RIMS4: variants seen among roughly 807,000 people sequenced by gnomAD.
RIMS4 encodes regulating synaptic membrane exocytosis protein 4.
RIMS4 carries 9 observed loss-of-function variants against 29.0 expected under a neutral mutation model. The ratio of observed to expected loss-of-function variants is 0.31; its 90% CI spans 0.19 to 0.54. The LOEUF (loss-of-function observed/expected upper bound fraction) is 0.54, where lower values mean the gene tolerates loss of function less well. Ranked by LOEUF, RIMS4 falls within the 20% of genes least tolerant of loss-of-function variation. RIMS4 has a pLI of 0.94. For missense variants in RIMS4, 193 were observed against 365.7 expected (o/e 0.53, Z 3.85); for synonymous variants, 130 against 152.9 (o/e 0.85, Z 1.10).
intron 1 of RIMS4, among the ~76,000 whole-genome samples, chr20:44,802,937 G>A (rs1254880512): frequency 6.6e-6 from 1 of 152,098 alleles, no homozygotes; most frequent in Non-Finnish European, 1.5e-5. Flanking sequence ...CCTCTGCCTG[G>A]AACACTCTTC....
Position 44,800,109 on chromosome 20 carries a change from G to A in RIMS4, c.97+10066C>T, listed in dbSNP as rs375214809. Reference sequence around the variant, plus strand: ...TCCAGGTTATCTGGCTGTGGAGCTCGTTACTTTCACCATGCTATACTGCCT... The same window carrying A: ...TCCAGGTTATCTGGCTGTGGAGCTCATTACTTTCACCATGCTATACTGCCT... On this transcript the variant is annotated intron_variant, in intron 1 of 5. Coordinates refer to ENST00000372851, the MANE Select transcript of RIMS4 (RefSeq NM_182970.4). 7.2e-5 allele frequency among the ~76,000 whole-genome samples: 11 copies of A among 152,286 alleles called. No individual in the cohort carries two copies. In the East Asian group the frequency reaches 1.5e-3, roughly 21 times the overall value.
chr20:44,782,811 T>C (rs1414924335), intron 1 of RIMS4, among the ~76,000 whole-genome samples: 2 of 152,170 alleles, frequency 1.3e-5, no homozygotes, highest in African/African-American at 4.8e-5. Context: ...GCCAAACATG[T>C]AGGGGAGGCA....
intron 1 of RIMS4, among the ~76,000 whole-genome samples, chr20:44,779,696 C>G (rs1370258001): frequency 1.3e-5 from 2 of 152,156 alleles, no homozygotes; most frequent in East Asian, 3.8e-4. Context: ...TTACAAATAG[C>G]TCTGCCAAAA....
Position 44,756,818 on chromosome 20 carries a change from G to T in RIMS4, c.591+80C>A. The T allele has an allele frequency of 7.0e-7, 1 of 1,434,110 alleles. No individual in the cohort carries two copies. The highest frequency in any genetic ancestry group is 2.1e-5 in the Admixed American group (1 of 46,900). The allele number at this position is 1,434,110 out of a possible 1,614,324, so 88.8% of individuals were successfully genotyped here. A position where few individuals can be genotyped will look rare whatever the true frequency, so the allele number is the denominator to read the frequency against. ...GGCCCTCCAGAGACACCCCCCGCCA[G>T]GGGTGCCCTCCTCTCATTCTGGTAC... is the stretch of plus-strand genomic sequence containing the variant. On this transcript the variant is annotated intron_variant, in intron 5 of 5. Transcript: ENST00000372851. This position sits in a 1 kb window ranked among gnomAD's most constrained non-coding sequence, Gnocchi z 5.9.
chr20:44,792,625 T>G lies in RIMS4; in HGVS notation c.97+17550A>C, dbSNP rs186817776. On this transcript the variant is annotated intron_variant, in intron 1 of 5. Transcript: ENST00000372851. ...CTATTGAATGGCCCTGGGCCAAAGA[T>G]GGGCCTGTCCTTTCTGAGCTTTAGT... Among the ~76,000 whole-genome samples, 45 of 152,282 alleles carry G rather than the reference T, an allele frequency of 3.0e-4. 1 individual carries two copies. The highest frequency in any genetic ancestry group is 2.5e-3 in the Admixed American group (38 of 15,294).
intron 2 of RIMS4, among the ~76,000 whole-genome samples, chr20:44,765,946 C>T (rs2066111652): frequency 6.6e-6 from 1 of 152,198 alleles, no homozygotes; most frequent in African/African-American, 2.4e-5. Context: ...TGCTTCTGCT[C>T]ACACACACCC....
intron 1 of RIMS4, among the ~76,000 whole-genome samples, chr20:44,788,108 T>C (rs1182850740): frequency 6.6e-6 from 1 of 152,232 alleles, no homozygotes; most frequent in Non-Finnish European, 1.5e-5. Flanking sequence ...TCAGTCTCTA[T>C]TCCAGACATT....
In RIMS4 at chr20:44,810,509, G is replaced by T. The variant is rs935164283; in HGVS notation, c.-238C>A. Among the ~76,000 whole-genome samples the T allele has an allele frequency of 1.6e-4, 22 of 141,560 alleles. No homozygotes were observed. The highest frequency in any genetic ancestry group is 2.8e-4 in the Non-Finnish European group (18 of 64,074). 92.9% of individuals were successfully genotyped at this position (141,560 alleles called of 152,430 possible). On this transcript the variant is annotated 5_prime_UTR_variant, in exon 1 of 6. Transcript: ENST00000372851. ...TGTGCTGCTGGCGGCGGCGGCGGCG[G>T]CGGCGGTGGCGGCGGCGGTGGCGGC...
Position 44,806,726 on chromosome 20 carries a change from A to G in RIMS4, c.97+3449T>C, listed in dbSNP as rs533058787. Among the ~76,000 whole-genome samples the G allele has an allele frequency of 2.0e-5, 3 of 152,334 alleles. No individual in the cohort carries two copies. The South Asian group carries it at 6.2e-4, about 32-fold the overall frequency. Reference sequence around the variant, plus strand: ...AAGACTTCTGCACAGCACAAACAGCATAATGGTTGATTAAAAGCATAGATG... The same window carrying G: ...AAGACTTCTGCACAGCACAAACAGCGTAATGGTTGATTAAAAGCATAGATG... On this transcript the variant is annotated intron_variant, in intron 1 of 5. Coordinates refer to ENST00000372851, the MANE Select transcript of RIMS4 (RefSeq NM_182970.4).
chr20:44,798,929 G>C (rs1461772223), intron 1 of RIMS4, among the ~76,000 whole-genome samples: 1 of 152,242 alleles, frequency 6.6e-6, no homozygotes, highest in African/African-American at 2.4e-5. Flanking sequence ...AAACAGGAGT[G>C]AAGAGTTCTC....
chr20:44,766,869 C>G lies in RIMS4; in HGVS notation c.236+4406G>C, dbSNP rs58743363. Among the ~76,000 whole-genome samples, 1,348 of 152,308 alleles carry G rather than the reference C, an allele frequency of 8.9e-3. 14 individuals carry two copies. The highest frequency in any genetic ancestry group is 0.03 in the African/African-American group (1,262 of 41,562). On this transcript the variant is annotated intron_variant, in intron 2 of 5. Coordinates refer to ENST00000372851, the MANE Select transcript of RIMS4 (RefSeq NM_182970.4). ...CTTCTCTGGCCCCTGAAGAGCTTCTCTAGCCTCAAGAGCCTATGTTACCAC... is the reference window on the plus strand; with the variant it reads ...CTTCTCTGGCCCCTGAAGAGCTTCTGTAGCCTCAAGAGCCTATGTTACCAC...
rs2066066069 is a variant in RIMS4, at chr20:44,757,567, C to A, written c.451+103G>T. 4 of 910,496 alleles carry A rather than the reference C, an allele frequency of 4.4e-6. No homozygotes were observed. In the East Asian group the frequency reaches 7.2e-5, roughly 16 times the overall value. The allele number at this position is 910,496 out of a possible 1,614,324, so 56.4% of individuals were successfully genotyped here. ...GACATCAGAGTTGGGACAGGGGGTC[C>A]CCACAGTTGGGCCCAATTTTCTCTC... On this transcript the variant is annotated intron_variant, in intron 4 of 5. Coordinates refer to ENST00000372851, the MANE Select transcript of RIMS4 (RefSeq NM_182970.4).
intron 1 of RIMS4, among the ~76,000 whole-genome samples, chr20:44,773,299 C>T (rs1353869226): frequency 6.6e-6 from 1 of 152,134 alleles, no homozygotes; most frequent in African/African-American, 2.4e-5. Flanking sequence ...CCCTAGCTTG[C>T]ATCTGCAGCC....
At chr20:44,790,974 G>A (rs1320980425) in intron 1 of RIMS4, among the ~76,000 whole-genome samples, 1 of 152,208 alleles carries the variant, frequency 6.6e-6, no homozygotes, top group East Asian at 1.9e-4. Context: ...GCGCTGCCTC[G>A]TGCTGTCCCT....
chr20:44,807,558 A>C (rs1404572578), intron 1 of RIMS4, among the ~76,000 whole-genome samples: 1 of 152,164 alleles, frequency 6.6e-6, no homozygotes, highest in Non-Finnish European at 1.5e-5. Context: ...AGAGACAGAC[A>C]GGTATTAAGA....
intron 1 of RIMS4, among the ~76,000 whole-genome samples, chr20:44,783,147 T>C (rs1247169941): frequency 6.6e-6 from 1 of 152,074 alleles, no homozygotes; most frequent in South Asian, 2.1e-4. Context: ...CCACAGCAAG[T>C]AAAGGTTGGA....
At chr20:44,796,975 T>C (rs2066257892) in intron 1 of RIMS4, among the ~76,000 whole-genome samples, 1 of 152,196 alleles carries the variant, frequency 6.6e-6, no homozygotes, top group Admixed American at 6.5e-5. Context: ...TAACCCCTTG[T>C]CCTAGCCCAG....
At chr20:44,780,257 C>T (rs1173867321) in intron 1 of RIMS4, among the ~76,000 whole-genome samples, 2 of 152,138 alleles carry the variant, frequency 1.3e-5, no homozygotes, top group Non-Finnish European at 2.9e-5. Context: ...CATGTTTTAG[C>T]TCCCTTGGTG....
chr20:44,775,565 C>T (rs1362304685), intron 1 of RIMS4, among the ~76,000 whole-genome samples: 1 of 152,232 alleles, frequency 6.6e-6, no homozygotes. Context: ...TGAGGCTTCA[C>T]GCAGCCCCCA....
Sources: allele counts gnomAD v4.1 joint callset (sites outside exome capture counted in the v4.1 genomes callset), GRCh38; gene constraint gnomAD v4.1.1; non-coding constraint Gnocchi (gnomAD v3.1); transcripts MANE v1.5; gene names NCBI Gene and HGNC (gene_info 2026-07-23, HGNC 2026-07-21).